The following LYPD6 variants were observed in gnomAD, a reference collection of about 807,000 sequenced individuals.
The protein encoded by LYPD6 is ly6/PLAUR domain-containing protein 6.
Under a neutral mutation model 22.7 loss-of-function variants are expected in LYPD6, and 15 were observed. That is an observed-to-expected ratio of 0.66 (90% confidence interval 0.44 to 1.02). The LOEUF (loss-of-function observed/expected upper bound fraction) is 1.02, where lower values mean the gene tolerates loss of function less well. Among genes scored for constraint, LYPD6 ranks in the 50% least tolerant of loss-of-function variants. LYPD6 has a pLI of 0.00. For synonymous variants in LYPD6, 72 were observed against 77.5 expected, an observed-to-expected ratio of 0.93 and a Z score of 0.37; for missense variants, 189 against 208.4, an observed-to-expected ratio of 0.91 and a Z score of 0.57.
chr2:149,369,966 G>A (rs1317911175), intron 1 of LYPD6, among the ~76,000 whole-genome samples: 1 of 152,124 alleles, frequency 6.6e-6, no homozygotes, highest in Non-Finnish European at 1.5e-5. Context: ...GAGAAATCAA[G>A]AGGGAACAGA....
At chr2:149,358,370 G>A (rs1041671138) in intron 1 of LYPD6, among the ~76,000 whole-genome samples, 11 of 152,190 alleles carry the variant, frequency 7.2e-5, no homozygotes, top group East Asian at 3.8e-4. Context: ...AAATCATGAC[G>A]TAAAGTACAA....
At chr2:149,365,867 A>C (rs1481995824) in intron 1 of LYPD6, among the ~76,000 whole-genome samples, 1 of 152,184 alleles carries the variant, frequency 6.6e-6, no homozygotes, top group East Asian at 1.9e-4. Flanking sequence ...TAATCTTGGG[A>C]GTTCAAAAAT....
At chr2:149,405,712 G>GT (rs1016625630) in intron 1 of LYPD6, among the ~76,000 whole-genome samples, 14 of 151,864 alleles carry the variant, frequency 9.2e-5, no homozygotes, top group South Asian at 2.1e-4. Flanking sequence ...TGTTTGAAGG[G>GT]TTTTTTGTGT....
rs115459541 is a variant in LYPD6, at chr2:149,451,564, A to G, written c.217+2417A>G. ...ATACAAGTATATCCCTGTCAAAAAG[A>G]AAAAGCAAGGGACCAGAAACACTGC... On this transcript the variant is annotated intron_variant, in intron 3 of 4. Coordinates refer to ENST00000334166, the MANE Select transcript of LYPD6 (RefSeq NM_194317.5). Among the ~76,000 whole-genome samples, 1,161 of 152,308 alleles carry G rather than the reference A, an allele frequency of 7.6e-3. 13 individuals carry two copies. The highest frequency in any genetic ancestry group is 0.026 in the African/African-American group (1,083 of 41,564).
At chr2:149,468,300 A>G (rs777387988) in intron 3 of LYPD6, among the ~76,000 whole-genome samples, 24 of 152,088 alleles carry the variant, frequency 1.6e-4, no homozygotes, top group Non-Finnish European at 2.9e-5. Context: ...TAAAATTGCT[A>G]TGACTTATAC....
At chr2:149,349,816 C>T (rs1156320069) in intron 1 of LYPD6, among the ~76,000 whole-genome samples, 1 of 152,170 alleles carries the variant, frequency 6.6e-6, no homozygotes, top group Non-Finnish European at 1.5e-5. Flanking sequence ...TTTCAAAAAG[C>T]AGCCTGGAAT....
chr2:149,479,015 C>A (rs556540517), downstream of LYPD6, among the ~76,000 whole-genome samples: 1 of 152,256 alleles, frequency 6.6e-6, no homozygotes, highest in East Asian at 1.9e-4. Context: ...ACCCGATTTC[C>A]TCACAATCCA....
chr2:149,386,665 T>G (rs949817240), intron 1 of LYPD6, among the ~76,000 whole-genome samples: 4 of 152,164 alleles, frequency 2.6e-5, no homozygotes, highest in Non-Finnish European at 4.4e-5. Context: ...AAATAGACAT[T>G]TTAGAACAAA....
intron 1 of LYPD6, among the ~76,000 whole-genome samples, chr2:149,395,989 A>T (rs1226929961): frequency 6.6e-6 from 1 of 152,114 alleles, no homozygotes; most frequent in African/African-American, 2.4e-5. Context: ...CATTTGATAT[A>T]GTTTTGGGTT....
rs78023421 is a variant in LYPD6, at chr2:149,380,020, A to G, written c.-72+49298A>G. Among the ~76,000 whole-genome samples the G allele has an allele frequency of 7.0e-3, 1,060 of 151,244 alleles. 7 individuals are homozygous for G. The highest frequency in any genetic ancestry group is 0.025 in the African/African-American group (1,027 of 40,568). Reference sequence around the variant, plus strand: ...TTTCGATAAGGAAAGCTTCCCTGAGAAGGTGACCTTGAATAAAAACTAGAT... The same window carrying G: ...TTTCGATAAGGAAAGCTTCCCTGAGGAGGTGACCTTGAATAAAAACTAGAT... On this transcript the variant is annotated intron_variant, in intron 1 of 4. Coordinates refer to ENST00000334166, the MANE Select transcript of LYPD6 (RefSeq NM_194317.5).
upstream of LYPD6, chr2:149,330,206 T>C (rs956897601): frequency 6.6e-6 from 1 of 151,808 alleles, no homozygotes; most frequent in Non-Finnish European, 1.5e-5. Flanking sequence ...CAGGAAGGTA[T>C]CGGTGCACCC....
chr2:149,348,501 C>A (rs1383548153), intron 1 of LYPD6, among the ~76,000 whole-genome samples: 1 of 152,196 alleles, frequency 6.6e-6, no homozygotes, highest in East Asian at 1.9e-4. Context: ...CCCTGAGGAC[C>A]TCTGTGGGAA....
intron 1 of LYPD6, among the ~76,000 whole-genome samples, chr2:149,426,526 G>C (rs1345028063): frequency 6.6e-6 from 1 of 152,192 alleles, no homozygotes; most frequent in Non-Finnish European, 1.5e-5. Flanking sequence ...AGGAGAATTT[G>C]TGTAGAAAGA....
At position 149,401,621 on chromosome 2, in the gene LYPD6, A is replaced by G. The variant is rs373441791; in HGVS notation, c.-71-36017A>G. Among the ~76,000 whole-genome samples, 723 of 152,320 alleles carry G rather than the reference A, an allele frequency of 4.7e-3. 3 individuals are homozygous for G. Among genetic ancestry groups the G allele is most frequent in the African/African-American group, 0.017 (706 of 41,568 alleles). On this transcript the variant is annotated intron_variant, in intron 1 of 4. Coordinates refer to ENST00000334166, the MANE Select transcript of LYPD6 (RefSeq NM_194317.5). ...TGGTGGAAATCTCTACTTTAGGAAT[A>G]TTACCTCATTATGCTTGTAAGTGCC...
chr2:149,434,958 G>C (rs908787323), intron 1 of LYPD6, among the ~76,000 whole-genome samples: 2 of 152,214 alleles, frequency 1.3e-5, no homozygotes, highest in Non-Finnish European at 2.9e-5. Context: ...GGGCTGAAAT[G>C]TGTGCCCCCA....
chr2:149,477,645 A>G (rs1042665175), downstream of LYPD6, among the ~76,000 whole-genome samples: 24 of 150,506 alleles, frequency 1.6e-4, no homozygotes, highest in East Asian at 2.1e-3. Flanking sequence ...AAAAAAAAAA[A>G]AAAGAAACAA....
intron 1 of LYPD6, among the ~76,000 whole-genome samples, chr2:149,422,774 T>G (rs6720216): frequency 0.29 from 43,359 of 151,866 alleles, 7,861 homozygotes; most frequent in African/African-American, 0.52. Flanking sequence ...TCCCCCATCA[T>G]CTCCTGACAA....
chr2:149,330,373 C>T (rs562740390), upstream of LYPD6: 9 of 151,306 alleles, frequency 5.9e-5, no homozygotes, highest in African/African-American at 2.2e-4. Context: ...AGTTTGCAGA[C>T]TTGGCGCTCA....
the LYPD6 span, among the ~76,000 whole-genome samples, chr2:149,484,614 G>T: frequency 6.6e-6 from 1 of 152,112 alleles, no homozygotes; most frequent in Non-Finnish European, 1.5e-5. Context: ...GCTTTCCTTA[G>T]AAATTAATGT....
Sources: gnomAD v4.1 joint callset for allele counts (sites outside exome capture counted in the v4.1 genomes callset) on GRCh38, gnomAD v4.1.1 for gene constraint, MANE v1.5 for transcripts, NCBI Gene and HGNC (gene_info 2026-07-23, HGNC 2026-07-21) for gene names.